The following NIPSNAP1 variants were observed in gnomAD, a reference collection of about 807,000 sequenced individuals.
NIPSNAP1 encodes the protein nipsnap homolog 1.
NIPSNAP1 carries 25 observed loss-of-function variants against 49.2 expected under a neutral mutation model. That is an observed-to-expected ratio of 0.51 (90% CI 0.37 to 0.71). The LOEUF is 0.71. Among genes scored for constraint, NIPSNAP1 ranks in the 30% least tolerant of loss-of-function variants. NIPSNAP1 has a pLI of 0.00. For synonymous variants in NIPSNAP1, 143 were observed against 140.7 expected, an observed-to-expected ratio of 1.02 and a Z score of -0.12; for missense variants, 294 against 361.0, an observed-to-expected ratio of 0.81 and a Z score of 1.50.
chr22:29,565,796 C>A (rs1364958884), intron 4 of NIPSNAP1, among the ~76,000 whole-genome samples: 2 of 152,156 alleles, frequency 1.3e-5, no homozygotes, highest in Non-Finnish European at 2.9e-5. Context: ...TATAGTGAGA[C>A]CCTGTTTCTA....
intron 1 of NIPSNAP1, among the ~76,000 whole-genome samples, chr22:29,573,768 C>CAA (rs695672): frequency 8.0e-6 from 1 of 125,108 alleles, no homozygotes. Context: ...AACTCTGTCT[C>CAA]AAAAAAAAAA....
chr22:29,567,717 A>G (rs973740592), intron 4 of NIPSNAP1, among the ~76,000 whole-genome samples: 2 of 152,008 alleles, frequency 1.3e-5, no homozygotes, highest in African/African-American at 4.8e-5. Context: ...TTAGTTGGGC[A>G]TTGTGGCATG....
At chr22:29,568,966 C>T (rs2064387038) in intron 4 of NIPSNAP1, among the ~76,000 whole-genome samples, 1 of 152,110 alleles carries the variant, frequency 6.6e-6, no homozygotes, top group Non-Finnish European at 1.5e-5. Context: ...GATTTGGTGC[C>T]ATGAGGCTGG....
At chr22:29,574,226 G>A (rs2064431760) in intron 1 of NIPSNAP1, among the ~76,000 whole-genome samples, 1 of 119,032 alleles carries the variant, frequency 8.4e-6, no homozygotes, top group African/African-American at 3.2e-5. Flanking sequence ...GCCACTGCAC[G>A]CCAGCCTGGA....
intron 4 of NIPSNAP1, among the ~76,000 whole-genome samples, chr22:29,566,081 T>G (rs2064366329): frequency 6.6e-6 from 1 of 152,192 alleles, no homozygotes; most frequent in Admixed American, 6.6e-5. Context: ...TGCATGAGCC[T>G]GTGTGTATAT....
rs147790737 is a variant in NIPSNAP1 at position 29,569,349 on chromosome 22, G to T, written c.273-62C>A. ...AGCCACCAGGGCCTCTGAGATAAGG[G>T]TTCAAACTCAGTTCAAACAGACCCT... On this transcript the variant is annotated intron_variant, in intron 3 of 9. Transcript: ENST00000216121. 6,833 of 1,276,856 alleles carry T rather than the reference G, an allele frequency of 5.4e-3. 66 individuals are homozygous for T. The highest frequency in any genetic ancestry group is 0.053 in the Middle Eastern group (291 of 5,440). 79.1% of individuals were successfully genotyped at this position (1,276,856 alleles called of 1,614,324 possible).
At chr22:29,570,095 G>A (rs1569247941) in intron 3 of NIPSNAP1, 67 bp downstream of exon 3, 5 of 1,369,090 alleles carry the variant, frequency 3.7e-6, no homozygotes, top group African/African-American at 1.4e-5. Context: ...AGGATGTTCC[G>A]CAAATTTGCT....
chr22:29,565,907 G>C (rs181047992), intron 4 of NIPSNAP1, among the ~76,000 whole-genome samples: 1 of 152,332 alleles, frequency 6.6e-6, no homozygotes, highest in Non-Finnish European at 1.5e-5. Flanking sequence ...GCAGGTCACA[G>C]ATTATTTTCA....
chr22:29,569,348 G>C, intron 3 of NIPSNAP1, 61 bp from the exon 4 acceptor site: 1 of 1,286,398 alleles, frequency 7.8e-7, no homozygotes, highest in Non-Finnish European at 1.1e-6. Context: ...CTGAGATAAG[G>C]GTTCAAACTC....
intron 1 of NIPSNAP1, chr22:29,580,210 C>T (rs970978627): frequency 1.5e-6 from 2 of 1,303,490 alleles, no homozygotes; most frequent in Non-Finnish European, 2.0e-6. Flanking sequence ...CAGACAAGCA[C>T]CAAGTCATAA....
At chr22:29,560,241 C>CTTTTTTTTTTTTT (rs35947318) in intron 8 of NIPSNAP1, among the ~76,000 whole-genome samples, 3 of 145,292 alleles carry the variant, frequency 2.1e-5, no homozygotes, top group Non-Finnish European at 1.5e-5. Context: ...CTCTCCCTGC[C>CTTTTTTTTTTTTT]TTTTTTTTTT....
chr22:29,578,342 T>G (rs1393134144), intron 1 of NIPSNAP1, among the ~76,000 whole-genome samples: 1 of 151,198 alleles, frequency 6.6e-6, no homozygotes, highest in Non-Finnish European at 1.5e-5. Flanking sequence ...GGCCAAATTT[T>G]TGTATTTTTT....
intron 1 of NIPSNAP1, among the ~76,000 whole-genome samples, chr22:29,578,262 C>T (rs2064470054): frequency 1.3e-5 from 2 of 151,064 alleles, no homozygotes; most frequent in Admixed American, 6.6e-5. Context: ...TCTTGAACTC[C>T]TGGCCTCAGG....
At chr22:29,580,004 T>C (rs139054442) in intron 1 of NIPSNAP1, 2 of 1,069,626 alleles carry the variant, frequency 1.9e-6, no homozygotes, top group African/African-American at 1.6e-5. Context: ...TGGCAGGCAC[T>C]ATCAGAACTT....
intron 8 of NIPSNAP1, 133 bp downstream of exon 8, chr22:29,560,601 C>G: frequency 1.3e-6 from 1 of 788,732 alleles, no homozygotes; most frequent in Non-Finnish European, 2.2e-6. Flanking sequence ...CTTTTTGTGA[C>G]TTTACATCTA....
chr22:29,559,014 A>G (rs1162482881), intron 8 of NIPSNAP1, 61 bp from the exon 9 acceptor site: 7 of 1,256,040 alleles, frequency 5.6e-6, no homozygotes, highest in East Asian at 2.3e-5. Context: ...TACCCAGCAC[A>G]GGGCCCTCTT....
Position 29,555,481 on chromosome 22 carries a change from A to AG in NIPSNAP1, c.*453dup, listed in dbSNP as rs2064285866. 4 of 198,706 alleles carry AG rather than the reference A, an allele frequency of 2.0e-5. No homozygotes were observed. In the South Asian group the frequency reaches 3.7e-4, roughly 19 times the overall value. 12.3% of individuals were successfully genotyped at this position (198,706 alleles called of 1,614,324 possible). A position where few individuals can be genotyped will look rare whatever the true frequency, so the allele number is the denominator to read the frequency against. On this transcript the variant is annotated 3_prime_UTR_variant, in exon 10 of 10. Coordinates refer to ENST00000216121, the MANE Select transcript of NIPSNAP1 (RefSeq NM_003634.4). ...AGGAGGGACTTGGCTCAGACTGTCC[A>AG]GCAAGTGGGTGGCCCAGTGGAAACC...
intron 4 of NIPSNAP1, 136 bp downstream of exon 4, chr22:29,569,057 G>C (rs1161662374): frequency 1.4e-6 from 1 of 722,220 alleles, no homozygotes; most frequent in Admixed American, 2.0e-5. Context: ...TTGAGCAGGG[G>C]AGTGAGGTGA....
At chr22:29,559,843 G>A (rs377021412) in intron 8 of NIPSNAP1, among the ~76,000 whole-genome samples, 6 of 152,148 alleles carry the variant, frequency 3.9e-5, no homozygotes, top group African/African-American at 9.6e-5. Context: ...TCTCTTGCTC[G>A]CCTACCAAGC....
Sources: allele counts gnomAD v4.1 joint callset (sites outside exome capture counted in the v4.1 genomes callset), GRCh38; gene constraint gnomAD v4.1.1; transcripts MANE v1.5; gene names NCBI Gene and HGNC (gene_info 2026-07-23, HGNC 2026-07-21).